The following SEMA6D variants were observed in gnomAD, a reference collection of about 807,000 sequenced individuals.
SEMA6D encodes semaphorin-6D.
Under a neutral mutation model 106.6 loss-of-function variants are expected in SEMA6D, and 35 were observed. The observed-to-expected ratio is 0.33, with a 90% CI of 0.25 to 0.44. The LOEUF is 0.44. Among genes scored for constraint, SEMA6D ranks in the 20% least tolerant of loss-of-function variants. SEMA6D has a pLI of 1.00. For synonymous variants in SEMA6D, 499 were observed against 487.7 expected (o/e 1.02, Z -0.31); for missense variants, 1,185 against 1,345.9 (o/e 0.88, Z 1.87).
At chr15:47,699,301 T>A (rs1596673552) in intron 4 of SEMA6D, among the ~76,000 whole-genome samples, 1 of 152,246 alleles carries the variant, frequency 6.6e-6, no homozygotes, top group Non-Finnish European at 1.5e-5. Flanking sequence ...TGCCAAGCAC[T>A]GTGCAAAGTA....
intron 1 of SEMA6D, among the ~76,000 whole-genome samples, chr15:47,366,542 G>A (rs1186111342): frequency 6.6e-6 from 1 of 152,218 alleles, no homozygotes; most frequent in African/African-American, 2.4e-5. Flanking sequence ...TTTGAGGTAT[G>A]CATAGAGTAC....
intron 3 of SEMA6D, among the ~76,000 whole-genome samples, chr15:47,506,503 G>A (rs963546209): frequency 2.0e-5 from 3 of 151,918 alleles, no homozygotes; most frequent in Non-Finnish European, 2.9e-5. Flanking sequence ...CAGGCTGGGG[G>A]AAAATCCAAG....
At chr15:47,678,037 T>A (rs1242303310) in intron 4 of SEMA6D, among the ~76,000 whole-genome samples, 1 of 152,138 alleles carries the variant, frequency 6.6e-6, no homozygotes, top group Non-Finnish European at 1.5e-5. Context: ...ACATTAATTT[T>A]CTCCTGCAAA....
In SEMA6D at chr15:47,472,242, A is replaced by C. The variant is rs143360242; in HGVS notation, c.-87+1697A>C. On this transcript the variant is annotated intron_variant, in intron 3 of 19. Transcript: ENST00000558014. ...GGCTCTAAATCCTGTGTATTTTAAT[A>C]GCCCCTATTGTACAGAGAAATAAGA... Among the ~76,000 whole-genome samples the C allele has an allele frequency of 7.4e-3, 1,127 of 152,290 alleles. 22 individuals carry two copies. Among genetic ancestry groups the C allele is most frequent in the African/African-American group, 0.026 (1,064 of 41,552 alleles).
chr15:47,215,976 G>T, intron 1 of SEMA6D, among the ~76,000 whole-genome samples: 1 of 152,100 alleles, frequency 6.6e-6, no homozygotes, highest in East Asian at 1.9e-4. Context: ...TCAGACAACT[G>T]GCATTTTCCT....
intron 7 of SEMA6D, 122 bp downstream of exon 7, chr15:47,761,873 T>C: frequency 1.1e-6 from 1 of 871,676 alleles, no homozygotes; most frequent in Non-Finnish European, 1.7e-6. Context: ...TTCGAAAGGC[T>C]AGAATCTATG....
chr15:47,358,489 TATC>T (rs1251330861), intron 1 of SEMA6D, among the ~76,000 whole-genome samples: 1 of 152,230 alleles, frequency 6.6e-6, no homozygotes, highest in African/African-American at 2.4e-5. Flanking sequence ...CATGGGAGCT[TATC>T]ATGGTCTTTT....
At chr15:47,273,934 T>C (rs775737260) in intron 1 of SEMA6D, among the ~76,000 whole-genome samples, 3 of 152,150 alleles carry the variant, frequency 2.0e-5, no homozygotes, top group Non-Finnish European at 4.4e-5. Context: ...CTACCTGCTG[T>C]TTTTTTCTCA....
At chr15:47,595,157 T>C (rs2076510364) in intron 3 of SEMA6D, among the ~76,000 whole-genome samples, 1 of 152,178 alleles carries the variant, frequency 6.6e-6, no homozygotes, top group Non-Finnish European at 1.5e-5. Context: ...AAAAATCACA[T>C]TTATTTTAAA....
At chr15:47,657,765 A>G (rs1410348570) in intron 4 of SEMA6D, among the ~76,000 whole-genome samples, 3 of 65,280 alleles carry the variant, frequency 4.6e-5, no homozygotes, top group Non-Finnish European at 5.4e-5. Context: ...TTTTTGAGAC[A>G]GAGTCTTGCT....
At chr15:47,548,097 G>A (rs74387899) in intron 3 of SEMA6D, among the ~76,000 whole-genome samples, 7,057 of 152,212 alleles carry the variant, frequency 0.046, 179 homozygotes, top group South Asian at 0.089. Context: ...ATAAGATGGT[G>A]TGCTCTGCCT....
chr15:47,665,942 C>T (rs1291169097), intron 4 of SEMA6D, among the ~76,000 whole-genome samples: 1 of 152,198 alleles, frequency 6.6e-6, no homozygotes, highest in East Asian at 1.9e-4. Flanking sequence ...GGCAATAATA[C>T]AGACAAGAGT....
intron 1 of SEMA6D, among the ~76,000 whole-genome samples, chr15:47,255,690 C>G (rs2033770101): frequency 6.6e-6 from 1 of 152,054 alleles, no homozygotes; most frequent in African/African-American, 2.4e-5. Flanking sequence ...AAAAATTTAT[C>G]AAAATAGTTT....
At chr15:47,324,643 C>T (rs563775781) in intron 1 of SEMA6D, among the ~76,000 whole-genome samples, 1 of 150,626 alleles carries the variant, frequency 6.6e-6, no homozygotes, top group African/African-American at 2.4e-5. Flanking sequence ...ATATATGTGT[C>T]TGTACATATA....
chr15:47,770,387 C>G, intron 18 of SEMA6D, 110 bp from the exon 19 acceptor site: 1 of 867,542 alleles, frequency 1.2e-6, no homozygotes. Context: ...ACCCTCCGAG[C>G]TAAGCATATG....
At chr15:47,427,115 C>T (rs945377751) in intron 2 of SEMA6D, among the ~76,000 whole-genome samples, 1 of 152,100 alleles carries the variant, frequency 6.6e-6, no homozygotes, top group African/African-American at 2.4e-5. Context: ...GTGATAGCAT[C>T]ATTTAATTTC....
intron 3 of SEMA6D, among the ~76,000 whole-genome samples, chr15:47,541,818 A>T (rs568664322): frequency 2.9e-4 from 44 of 152,272 alleles, no homozygotes; most frequent in Middle Eastern, 3.4e-3. Flanking sequence ...GAATTAACTT[A>T]GGGCTGTGTT....
At chr15:47,728,102 A>G (rs2079879096) in intron 1 of SEMA6D, among the ~76,000 whole-genome samples, 2 of 152,222 alleles carry the variant, frequency 1.3e-5, no homozygotes, top group South Asian at 4.1e-4. Flanking sequence ...TAAGCCACAC[A>G]ATGAAGCTGG....
At chr15:47,534,367 G>C (rs1002867206) in intron 3 of SEMA6D, among the ~76,000 whole-genome samples, 1 of 151,864 alleles carries the variant, frequency 6.6e-6, no homozygotes, top group Non-Finnish European at 1.5e-5. Flanking sequence ...ATGTTTAGTA[G>C]AGATGAGGTT....
Sources: allele counts gnomAD v4.1 joint callset (sites outside exome capture counted in the v4.1 genomes callset), GRCh38; gene constraint gnomAD v4.1.1; transcripts MANE v1.5; gene names NCBI Gene and HGNC (gene_info 2026-07-23, HGNC 2026-07-21).